The following KCNH7 variants were observed in gnomAD, a reference collection of about 807,000 sequenced individuals.
KCNH7 encodes voltage-gated inwardly rectifying potassium channel KCNH7.
KCNH7 carries 49 observed loss-of-function variants against 120.8 expected under a neutral mutation model. The observed-to-expected ratio is 0.41, with a 90% CI of 0.32 to 0.51. The LOEUF is 0.51. KCNH7 is among the 20% of genes least tolerant of loss of function. The pLI, the probability that KCNH7 is intolerant of heterozygous loss-of-function variation, is 0.38. For missense variants in KCNH7, 1,097 were observed against 1,446.6 expected (o/e 0.76, Z 3.92); for synonymous variants, 547 against 516.1 (o/e 1.06, Z -0.81).
chr2:162,396,452 A>T (rs879534363), intron 11 of KCNH7, among the ~76,000 whole-genome samples: 1 of 151,846 alleles, frequency 6.6e-6, no homozygotes, highest in Non-Finnish European at 1.5e-5. Flanking sequence ...AATAATTGGC[A>T]CACTATAAAC....
In KCNH7 at chr2:162,683,115, C is replaced by G. The variant is rs562367320; in HGVS notation, c.308-146035G>C. Among the ~76,000 whole-genome samples the G allele has an allele frequency of 2.0e-5, 3 of 151,880 alleles. No individual in the cohort carries two copies. The East Asian group carries it at 5.8e-4, about 29-fold the overall frequency. On this transcript the variant is annotated intron_variant, in intron 2 of 15. Transcript: ENST00000332142. ...AAAGTATAATACAGAAATGCTTTTA[C>G]TGCTAAATGAACCAGAACTCTTTAT...
At chr2:162,680,495 T>C (rs1387357337) in intron 2 of KCNH7, among the ~76,000 whole-genome samples, 2 of 151,724 alleles carry the variant, frequency 1.3e-5, no homozygotes, top group Admixed American at 6.6e-5. Context: ...AAAATGTATA[T>C]GTAAATAAAT....
intron 2 of KCNH7, among the ~76,000 whole-genome samples, chr2:162,675,642 C>A (rs149781480): frequency 5.0e-4 from 75 of 151,310 alleles, no homozygotes; most frequent in African/African-American, 1.8e-3. Flanking sequence ...AATATATTAC[C>A]ACTGATATGT....
chr2:162,563,490 A>T (rs1450523421), intron 2 of KCNH7, among the ~76,000 whole-genome samples: 1 of 152,172 alleles, frequency 6.6e-6, no homozygotes, highest in Admixed American at 6.6e-5. Flanking sequence ...CAAAGTGATT[A>T]TTCTTTTTCT....
chr2:162,742,409 G>C (rs1688170215), intron 2 of KCNH7, among the ~76,000 whole-genome samples: 1 of 151,874 alleles, frequency 6.6e-6, no homozygotes, highest in Admixed American at 6.6e-5. Context: ...ATTATTAGAA[G>C]TTAAATGTTC....
At chr2:162,694,579 T>C (rs1686223757) in intron 2 of KCNH7, among the ~76,000 whole-genome samples, 2 of 152,030 alleles carry the variant, frequency 1.3e-5, no homozygotes, top group South Asian at 2.1e-4. Flanking sequence ...TCACATTCTC[T>C]GGGAGTGAGG....
intron 14 of KCNH7, among the ~76,000 whole-genome samples, chr2:162,379,017 C>A (rs976152522): frequency 6.6e-6 from 1 of 152,174 alleles, no homozygotes; most frequent in Non-Finnish European, 1.5e-5. Context: ...CATGCTTGTG[C>A]GTGTTCGAAA....
chr2:162,733,220 G>C (rs1401457769), intron 2 of KCNH7, among the ~76,000 whole-genome samples: 1 of 152,122 alleles, frequency 6.6e-6, no homozygotes, highest in Non-Finnish European at 1.5e-5. Flanking sequence ...ATAAACTAGA[G>C]CTGAGTAGTT....
intron 2 of KCNH7, among the ~76,000 whole-genome samples, chr2:162,686,390 A>G (rs1318556561): frequency 1.3e-5 from 2 of 152,128 alleles, no homozygotes; most frequent in Non-Finnish European, 2.9e-5. Context: ...AATTTCCCAA[A>G]CAAATAAAAG....
At chr2:162,671,233 T>A (rs1685341624) in intron 2 of KCNH7, among the ~76,000 whole-genome samples, 1 of 152,100 alleles carries the variant, frequency 6.6e-6, no homozygotes, top group African/African-American at 2.4e-5. Context: ...AGAAATTATT[T>A]TATCAAAAAG....
chr2:162,613,728 A>G (rs1026539004), intron 2 of KCNH7, among the ~76,000 whole-genome samples: 3 of 152,026 alleles, frequency 2.0e-5, no homozygotes, highest in Admixed American at 2.0e-4. Context: ...CGAGACAATC[A>G]TGGATGGTAT....
chr2:162,539,026 C>A (rs74535853), intron 2 of KCNH7, among the ~76,000 whole-genome samples: 2,411 of 152,162 alleles, frequency 0.016, 61 homozygotes, highest in East Asian at 0.096. Flanking sequence ...TTAGGAATGG[C>A]AAGCTGCACC....
At chr2:162,439,682 T>C in intron 7 of KCNH7, among the ~76,000 whole-genome samples, 1 of 152,110 alleles carries the variant, frequency 6.6e-6, no homozygotes, top group Non-Finnish European at 1.5e-5. Flanking sequence ...TTCATTTTGC[T>C]GGGTGGCTGA....
At chr2:162,577,352 T>TCATCTATCCATC (rs1559025403) in intron 2 of KCNH7, among the ~76,000 whole-genome samples, 28 of 40,926 alleles carry the variant, frequency 6.8e-4, no homozygotes, top group African/African-American at 1.9e-3. Context: ...ATCCATCCTA[T>TCATCTATCCATC]CTATCTATCT....
At chr2:162,560,434 A>T (rs1210859507) in intron 2 of KCNH7, among the ~76,000 whole-genome samples, 7 of 152,206 alleles carry the variant, frequency 4.6e-5, no homozygotes, top group Non-Finnish European at 8.8e-5. Context: ...TCTGTGGCTG[A>T]CAGGGAAGAG....
chr2:162,435,998 AT>A (rs1461876398), intron 7 of KCNH7, among the ~76,000 whole-genome samples: 1 of 152,158 alleles, frequency 6.6e-6, no homozygotes, highest in African/African-American at 2.4e-5. Flanking sequence ...AGAGACAGCT[AT>A]TTAACAGACA....
chr2:162,401,776 A>G (rs34537347), intron 9 of KCNH7, among the ~76,000 whole-genome samples: 2,538 of 151,922 alleles, frequency 0.017, 195 homozygotes, highest in Admixed American at 0.15. Context: ...AATAGGGAGC[A>G]TTTTAGATAA....
chr2:162,837,717 T>G (rs1685712764), intron 1 of KCNH7, among the ~76,000 whole-genome samples: 1 of 152,208 alleles, frequency 6.6e-6, no homozygotes, highest in South Asian at 2.1e-4. Context: ...TTCCCTATAT[T>G]TAGTCCACAT....
At chr2:162,802,558 C>A (rs1466392007) in intron 2 of KCNH7, among the ~76,000 whole-genome samples, 1 of 151,516 alleles carries the variant, frequency 6.6e-6, no homozygotes, top group Non-Finnish European at 1.5e-5. Flanking sequence ...CAGTGTTATC[C>A]AATAAAAATG....
Sources: gnomAD v4.1 joint callset for allele counts (sites outside exome capture counted in the v4.1 genomes callset) on GRCh38, gnomAD v4.1.1 for gene constraint, MANE v1.5 for transcripts, NCBI Gene and HGNC (gene_info 2026-07-23, HGNC 2026-07-21) for gene names.